The following PCDH11X variants were observed in gnomAD, a reference collection of about 807,000 sequenced individuals.
PCDH11X encodes protocadherin 11 X-linked, also known as protocadherin-11 X-linked.
A neutral mutation model predicts 53.3 loss-of-function variants in PCDH11X; 18 were observed. The observed-to-expected ratio is 0.34, with a 90% CI of 0.23 to 0.50. PCDH11X has a LOEUF of 0.50. Ranked by LOEUF, PCDH11X falls within the 20% of genes least tolerant of loss-of-function variation. The pLI is 0.98. For missense variants in PCDH11X, 570 were observed against 1,032.4 expected, an observed-to-expected ratio of 0.55 and a Z score of 6.14; for synonymous variants, 279 against 393.3, an observed-to-expected ratio of 0.71 and a Z score of 3.44.
At chrX:91,787,988 C>A (rs1260624997) in intron 1 of PCDH11X, among the ~76,000 whole-genome samples, 1 of 111,308 alleles carries the variant, frequency 9.0e-6, no homozygotes, top group African/African-American at 3.3e-5. Context: ...TAGTCCAAAC[C>A]CTTCATTTTA....
At chrX:92,074,801 G>A (rs2063751269) in intron 6 of PCDH11X, among the ~76,000 whole-genome samples, 1 of 111,956 alleles carries the variant, frequency 8.9e-6, no homozygotes, top group African/African-American at 3.2e-5. Context: ...TTTGTAAAGT[G>A]TTAATTCCAG....
intron 8 of PCDH11X, among the ~76,000 whole-genome samples, chrX:92,286,655 C>T (rs990073494): frequency 3.5e-5 from 3 of 85,960 alleles, no homozygotes; most frequent in African/African-American, 1.3e-4. Context: ...ACTAAATGGT[C>T]TCACTAGTTC....
At position 92,621,479 on chromosome X, in the gene PCDH11X, T is replaced by A. The variant is rs779067628; in HGVS notation, c.*2539T>A. 107 of 109,589 alleles carry A rather than the reference T, an allele frequency of 9.8e-4. No individual in the cohort carries two copies. The highest frequency in any genetic ancestry group is 3.3e-3 in the African/African-American group (100 of 29,998). 9.0% of individuals were successfully genotyped at this position (109,589 alleles called of 1,213,427 possible). A position where few individuals can be genotyped will look rare whatever the true frequency, so the allele number is the denominator to read the frequency against. The stretch of plus-strand genomic sequence containing the variant: ...TAGAATATTAAATGACTGGGCACCC[T>A]CTTCTTGGTTTTTACCAGAGAGGCT... On this transcript the variant is annotated 3_prime_UTR_variant, in exon 11 of 11. Coordinates refer to ENST00000682573, the MANE Select transcript of PCDH11X (RefSeq NM_032968.5).
At chrX:92,457,541 T>C (rs1227344950) in intron 9 of PCDH11X, among the ~76,000 whole-genome samples, 1 of 109,717 alleles carries the variant, frequency 9.1e-6, no homozygotes, top group Non-Finnish European at 1.9e-5. Flanking sequence ...TAAAGAGAAT[T>C]ATCAAGTCAG....
intron 8 of PCDH11X, among the ~76,000 whole-genome samples, chrX:92,268,295 G>GT (rs1410126307): frequency 1.1e-5 from 1 of 92,693 alleles, no homozygotes; most frequent in African/African-American, 5.4e-5. Flanking sequence ...TTATTAGTAT[G>GT]TTTTGTTTTT....
At chrX:92,099,830 G>A (rs1413473278) in intron 6 of PCDH11X, among the ~76,000 whole-genome samples, 1 of 110,810 alleles carries the variant, frequency 9.0e-6, no homozygotes, top group Non-Finnish European at 1.9e-5. Context: ...ACTCCTTTTG[G>A]TAGTAATCAA....
Position 92,271,439 on chromosome X carries a change from A to G in PCDH11X, c.3144+8296A>G, listed in dbSNP as rs891507145. Among the ~76,000 whole-genome samples, 36 of 112,097 alleles carry G rather than the reference A, an allele frequency of 3.2e-4. 1 individual carries two copies. Among genetic ancestry groups the G allele is most frequent in the African/African-American group, 1.1e-3 (34 of 30,806 alleles). ...GAAGGGGTTTAGTGAAAATGAAAGTACACTCCATAATGTGGGACTGGGCCT... is the reference window on the plus strand; with the variant it reads ...GAAGGGGTTTAGTGAAAATGAAAGTGCACTCCATAATGTGGGACTGGGCCT... On this transcript the variant is annotated intron_variant, in intron 8 of 10. Coordinates refer to ENST00000682573, the MANE Select transcript of PCDH11X (RefSeq NM_032968.5).
intron 6 of PCDH11X, among the ~76,000 whole-genome samples, chrX:91,936,904 A>G (rs748487300): frequency 9.3e-6 from 1 of 107,026 alleles, no homozygotes; most frequent in East Asian, 2.9e-4. Flanking sequence ...TAATTTAATA[A>G]TTTTAAATAT....
intron 8 of PCDH11X, among the ~76,000 whole-genome samples, chrX:92,353,818 A>T (rs2070120434): frequency 9.0e-6 from 1 of 110,790 alleles, no homozygotes; most frequent in Admixed American, 9.8e-5. Flanking sequence ...TAATTATATT[A>T]TCTTTACATT....
intron 9 of PCDH11X, among the ~76,000 whole-genome samples, chrX:92,414,958 A>G (rs2071776298): frequency 9.0e-6 from 1 of 110,686 alleles, no homozygotes. Context: ...CTCAGGATTT[A>G]TCTTTGAGGA....
intron 6 of PCDH11X, among the ~76,000 whole-genome samples, chrX:92,072,589 G>A (rs993853021): frequency 9.0e-6 from 1 of 111,577 alleles, no homozygotes; most frequent in Non-Finnish European, 1.9e-5. Flanking sequence ...ATACCATGTC[G>A]GAGCTAAGGC....
At chrX:92,469,803 A>G (rs1389252782) in intron 10 of PCDH11X, among the ~76,000 whole-genome samples, 1 of 110,981 alleles carries the variant, frequency 9.0e-6, no homozygotes, top group Non-Finnish European at 1.9e-5. Context: ...TTTGGTTAGT[A>G]TAGCTCTGTA....
At chrX:92,428,868 C>A (rs934148548) in intron 9 of PCDH11X, among the ~76,000 whole-genome samples, 2 of 110,455 alleles carry the variant, frequency 1.8e-5, no homozygotes, top group African/African-American at 6.6e-5. Context: ...GCAGATAAAC[C>A]CATATACTCT....
At chrX:91,892,264 C>T (rs1331294619) in intron 6 of PCDH11X, among the ~76,000 whole-genome samples, 1 of 106,580 alleles carries the variant, frequency 9.4e-6, no homozygotes, top group Non-Finnish European at 1.9e-5. Context: ...GTCTTAGTCA[C>T]CAGTTACCTG....
chrX:92,161,435 C>A (rs768987897), intron 6 of PCDH11X, among the ~76,000 whole-genome samples: 2 of 111,134 alleles, frequency 1.8e-5, no homozygotes, highest in East Asian at 5.7e-4. Context: ...GTTTTTTCCT[C>A]ACAGCTCTTA....
Position 92,481,727 on chromosome X carries a change from C to G in PCDH11X, c.3367+13405C>G, listed in dbSNP as rs1041254984. Among the ~76,000 whole-genome samples the G allele has an allele frequency of 3.6e-5, 4 of 111,786 alleles. No individual in the cohort carries two copies. In the Admixed American group the frequency reaches 3.8e-4, roughly 11 times the overall value. On this transcript the variant is annotated intron_variant, in intron 10 of 10. Coordinates refer to ENST00000682573, the MANE Select transcript of PCDH11X (RefSeq NM_032968.5). Reference sequence around the variant, plus strand: ...GGGGGTGAGAGTCCCTGACCATGCTCTGCTACAGACGCTCCCGCACCAAAC... The same window carrying G: ...GGGGGTGAGAGTCCCTGACCATGCTGTGCTACAGACGCTCCCGCACCAAAC...
chrX:92,489,697 T>A (rs1244703258), intron 10 of PCDH11X, among the ~76,000 whole-genome samples: 2 of 106,925 alleles, frequency 1.9e-5, no homozygotes, highest in Non-Finnish European at 3.8e-5. Context: ...TCCACCTTTT[T>A]AATCAGTTTT....
intron 4 of PCDH11X, among the ~76,000 whole-genome samples, chrX:91,822,002 C>G (rs1021974959): frequency 9.6e-6 from 1 of 104,567 alleles, no homozygotes; most frequent in South Asian, 4.1e-4. Flanking sequence ...ATTGAACCAG[C>G]CTTGCATCCC....
At chrX:91,927,199 A>G (rs1313416345) in intron 6 of PCDH11X, among the ~76,000 whole-genome samples, 1 of 108,274 alleles carries the variant, frequency 9.2e-6, no homozygotes, top group African/African-American at 3.3e-5. Context: ...CCTCAATAGA[A>G]GACAATATTT....
Sources: allele counts gnomAD v4.1 joint callset (sites outside exome capture counted in the v4.1 genomes callset), GRCh38; gene constraint gnomAD v4.1.1; transcripts MANE v1.5; gene names NCBI Gene and HGNC (gene_info 2026-07-23, HGNC 2026-07-21).